SCGN: variants seen among roughly 807,000 people sequenced by gnomAD.
SCGN encodes secretagogin, EF-hand calcium binding protein, also known as secretagogin.
In SCGN, 30 loss-of-function variants were observed where a neutral mutation model predicts 39.7. The ratio of observed to expected loss-of-function variants is 0.76; its 90% confidence interval spans 0.57 to 1.03. The LOEUF is 1.03. Among genes scored for constraint, SCGN ranks in the 50% least tolerant of loss-of-function variants. The pLI, the probability that SCGN is intolerant of heterozygous loss-of-function variation, is 0.00. For synonymous variants in SCGN, 106 were observed against 114.1 expected (o/e 0.93, Z 0.45); for missense variants, 353 against 349.4 (o/e 1.01, Z -0.08).
At chr6:25,693,564 A>G (rs1759801686) in intron 10 of SCGN, among the ~76,000 whole-genome samples, 1 of 152,274 alleles carries the variant, frequency 6.6e-6, no homozygotes, top group East Asian at 1.9e-4. Context: ...CATCTGCTCA[A>G]TGCATGGCTA....
rs939344422 is a variant in SCGN, at chr6:25,682,082, T to C, written c.527+76T>C. 4.7e-5 allele frequency: 53 copies of C among 1,136,170 alleles called. No individual in the cohort carries two copies. The Middle Eastern group carries it at 8.4e-4, about 18-fold the overall frequency. The allele number at this position is 1,136,170 out of a possible 1,614,324, so 70.4% of individuals were successfully genotyped here. On this transcript the variant is annotated intron_variant, in intron 7 of 10. Coordinates refer to ENST00000377961, the MANE Select transcript of SCGN (RefSeq NM_006998.4). ...TCTGATGACATCATATATTTCCTTT[T>C]GAGACTGGAGATCAAGCCTCACCTG...
At chr6:25,664,258 A>G (rs1247523733) in intron 3 of SCGN, among the ~76,000 whole-genome samples, 1 of 152,222 alleles carries the variant, frequency 6.6e-6, no homozygotes, top group Non-Finnish European at 1.5e-5. Context: ...ACCATAGCTA[A>G]CACTCAAGTA....
rs111483067 is a variant in SCGN, at chr6:25,701,470, G to A, written c.*135G>A. 1.1e-5 allele frequency: 11 copies of A among 1,044,734 alleles called. No homozygotes were observed. The highest frequency in any genetic ancestry group is 6.4e-5 in the African/African-American group (4 of 62,158). The allele number at this position is 1,044,734 out of a possible 1,614,324, so 64.7% of individuals were successfully genotyped here. ...GCTATTCTTGGGCAAGAACAGGGAC[G>A]CTAGGGCCTTCCTTCCACCGGCGTG... is the stretch of plus-strand genomic sequence containing the variant. On this transcript the variant is annotated 3_prime_UTR_variant, in exon 11 of 11. Transcript: ENST00000377961.
At position 25,701,341 on chromosome 6, in the gene SCGN, G is replaced by C. The variant is rs1376384516; in HGVS notation, c.*6G>C. On this transcript the variant is annotated 3_prime_UTR_variant, in exon 11 of 11. Coordinates refer to ENST00000377961, the MANE Select transcript of SCGN (RefSeq NM_006998.4). ...GGCTGAAAATCAACCCATAATCCCA[G>C]ACTGCTTTGCCTTTTGCTCTTACTA... is the stretch of plus-strand genomic sequence containing the variant. The C allele has an allele frequency of 3.1e-6, 5 of 1,609,970 alleles. No individual in the cohort carries two copies. In the African/African-American group the frequency reaches 6.7e-5, roughly 22 times the overall value.
At position 25,700,241 on chromosome 6, in the gene SCGN, C is replaced by CAAAA. The variant is rs34079471; in HGVS notation, c.703-948_703-945dup. On this transcript the variant is annotated intron_variant, in intron 10 of 10. Transcript: ENST00000377961. The stretch of plus-strand genomic sequence containing the variant: ...AGCAGGGACGGCTGCGACTTCGTCT[C>CAAAA]AAAAAAAAAAAAAAAAAAAAATTTT... Among the ~76,000 whole-genome samples the CAAAA allele has an allele frequency of 7.7e-3, 761 of 98,994 alleles. 13 individuals are homozygous for CAAAA. The highest frequency in any genetic ancestry group is 0.014 in the African/African-American group (351 of 24,956). 64.9% of individuals were successfully genotyped at this position (98,994 alleles called of 152,430 possible).
At chr6:25,664,828 G>T in intron 3 of SCGN, 115 bp from the exon 4 acceptor site, 1 of 664,662 alleles carries the variant, frequency 1.5e-6, no homozygotes, top group Non-Finnish European at 2.6e-6. Context: ...TGTTCATCCT[G>T]GAAGATCTGA....
At chr6:25,690,970 C>A (rs1759766786) in intron 9 of SCGN, 86 bp from the exon 10 acceptor site, 1 of 999,798 alleles carries the variant, frequency 1.0e-6, no homozygotes, top group Non-Finnish European at 1.6e-6. Flanking sequence ...CACAAGAATA[C>A]TGATACGGTT....
chr6:25,687,624 A>C (rs1759722262), intron 7 of SCGN, among the ~76,000 whole-genome samples: 1 of 152,082 alleles, frequency 6.6e-6, no homozygotes, highest in Admixed American at 6.5e-5. Context: ...ATCATCTATA[A>C]AGAGATAGTT....
chr6:25,689,375 T>C (rs974892517), intron 8 of SCGN, 98 bp from the exon 9 acceptor site: 3 of 1,253,884 alleles, frequency 2.4e-6, no homozygotes, highest in South Asian at 1.3e-5. Context: ...TTAAAGGTCA[T>C]TGACTCAAAG....
At position 25,701,295 on chromosome 6, in the gene SCGN, C is replaced by A; in HGVS notation, c.791C>A (p.Ser264Tyr). The A allele has an allele frequency of 1.2e-6, 2 of 1,613,492 alleles. No individual in the cohort carries two copies. The highest frequency in any genetic ancestry group is 4.5e-5 in the East Asian group (2 of 44,818). ...DVNKDGKIQK[S>Y]ELALCLGLKI... ...AACAAGGATGGAAAAATTCAGAAGTCTGAGCTGGCTTTGTGTCTTGGGCTG... is the reference window on the plus strand; with the variant it reads ...AACAAGGATGGAAAAATTCAGAAGTATGAGCTGGCTTTGTGTCTTGGGCTG... Residue 264 changes from serine (S) to tyrosine (Y), a missense_variant, in exon 11 of 11, where the codon TCT (serine) becomes TAT (tyrosine). Transcript: ENST00000377961.
chr6:25,688,551 C>T (rs1286493048), intron 7 of SCGN, among the ~76,000 whole-genome samples: 1 of 152,160 alleles, frequency 6.6e-6, no homozygotes, highest in Non-Finnish European at 1.5e-5. Context: ...CCTGTAATCC[C>T]CGCACTTTGG....
chr6:25,673,253 A>T (rs952718080), intron 6 of SCGN, among the ~76,000 whole-genome samples: 2 of 152,136 alleles, frequency 1.3e-5, no homozygotes, highest in Admixed American at 1.3e-4. Context: ...CATTTTGTAC[A>T]GACCTAATCT....
rs1759912986 is a variant in SCGN at position 25,701,500 on chromosome 6, A to G, written c.*165A>G. 2.6e-6 allele frequency: 2 copies of G among 761,856 alleles called. No individual in the cohort carries two copies. The highest frequency in any genetic ancestry group is 5.9e-5 in the Admixed American group (2 of 33,712). The allele number at this position is 761,856 out of a possible 1,614,324, so 47.2% of individuals were successfully genotyped here. A position where few individuals can be genotyped will look rare whatever the true frequency, so the allele number is the denominator to read the frequency against. The stretch of plus-strand genomic sequence containing the variant: ...GGCCTTCCTTCCACCGGCGTGATCT[A>G]TCCCTGTCTCACTGAAAGCCCCTGT... On this transcript the variant is annotated 3_prime_UTR_variant, in exon 11 of 11. Transcript: ENST00000377961.
At chr6:25,666,212 C>T (rs1342282722) in intron 4 of SCGN, among the ~76,000 whole-genome samples, 3 of 150,264 alleles carry the variant, frequency 2.0e-5, no homozygotes, top group Non-Finnish European at 4.4e-5. Flanking sequence ...AAAAACTAGC[C>T]GGGCATGGTG....
chr6:25,696,893 A>G (rs1759846308), intron 10 of SCGN, among the ~76,000 whole-genome samples: 1 of 152,176 alleles, frequency 6.6e-6, no homozygotes. Flanking sequence ...AAAAACTTTG[A>G]AAAGAGAGGA....
intron 10 of SCGN, among the ~76,000 whole-genome samples, chr6:25,696,847 T>A (rs923613906): frequency 6.6e-6 from 1 of 152,216 alleles, no homozygotes; most frequent in Non-Finnish European, 1.5e-5. Flanking sequence ...CATTATTATG[T>A]TAGGGACTTA....
intron 3 of SCGN, among the ~76,000 whole-genome samples, chr6:25,663,983 A>T (rs934540171): frequency 2.0e-5 from 3 of 152,198 alleles, no homozygotes; most frequent in African/African-American, 7.2e-5. Context: ...TTATAGAAGA[A>T]ATGACAATTG....
chr6:25,671,398 CT>C (rs10708324), intron 6 of SCGN, among the ~76,000 whole-genome samples: 42,361 of 152,090 alleles, frequency 0.28, 5,951 homozygotes, highest in African/African-American at 0.31. Context: ...TCTGCTTTCC[CT>C]CTGTACTCTG....
chr6:25,657,967 T>G (rs1314409096), intron 2 of SCGN, among the ~76,000 whole-genome samples: 1 of 144,642 alleles, frequency 6.9e-6, no homozygotes, highest in African/African-American at 2.5e-5. Flanking sequence ...TTTTTTCACA[T>G]TTTTAGTCTG....
Sources: gnomAD v4.1 joint callset for allele counts (sites outside exome capture counted in the v4.1 genomes callset) on GRCh38, gnomAD v4.1.1 for gene constraint, MANE v1.5 for transcripts, NCBI Gene and HGNC (gene_info 2026-07-23, HGNC 2026-07-21) for gene names.